The following HEPHL1 variants were observed in gnomAD, a reference collection of about 807,000 sequenced individuals.
HEPHL1 encodes ferroxidase HEPHL1.
HEPHL1 carries 123 observed loss-of-function variants against 122.0 expected under a neutral mutation model. The observed-to-expected ratio is 1.01, with a 90% CI of 0.87 to 1.17. HEPHL1 has a LOEUF of 1.17. HEPHL1 is among the 50% of genes most tolerant of loss of function. The pLI is 0.00. For missense variants in HEPHL1, 1,452 were observed against 1,430.5 expected (o/e 1.01, Z -0.24); for synonymous variants, 527 against 508.9 (o/e 1.04, Z -0.48).
chr11:94,097,726 G>T (rs972316296), intron 13 of HEPHL1, among the ~76,000 whole-genome samples: 2 of 152,144 alleles, frequency 1.3e-5, no homozygotes, highest in Non-Finnish European at 2.9e-5. Flanking sequence ...ATATATTTAG[G>T]TTAGTTAGCT....
intron 13 of HEPHL1, among the ~76,000 whole-genome samples, chr11:94,100,673 T>G (rs764156368): frequency 7.2e-5 from 11 of 152,234 alleles, no homozygotes; most frequent in Non-Finnish European, 7.3e-5. Context: ...TCTTCATTAT[T>G]ATTGTCATCC....
rs1027018300 is a variant in HEPHL1 at position 94,074,358 on chromosome 11, G to C, written c.1505-816G>C. On this transcript the variant is annotated intron_variant, in intron 8 of 19. Transcript: ENST00000315765. ...GCTGAGGCAAGAGGATCTCTTGAGG[G>C]AATTCAAGATTACAGTTATAATCAT... is the stretch of plus-strand genomic sequence containing the variant. Among the ~76,000 whole-genome samples the C allele has an allele frequency of 3.9e-5, 6 of 152,032 alleles. No individual in the cohort carries two copies. The South Asian group carries it at 1.2e-3, about 31-fold the overall frequency.
intron 12 of HEPHL1, among the ~76,000 whole-genome samples, 176 bp from the exon 13 acceptor site, chr11:94,093,325 G>T (rs749684798): frequency 6.6e-6 from 1 of 152,074 alleles, no homozygotes; most frequent in African/African-American, 2.4e-5. Flanking sequence ...GCTTTAAAGT[G>T]CAGATGCCTG....
chr11:94,050,502 A>C (rs1945880358), intron 2 of HEPHL1, among the ~76,000 whole-genome samples: 1 of 151,998 alleles, frequency 6.6e-6, no homozygotes, highest in South Asian at 2.1e-4. Context: ...AGATTGAGAA[A>C]GTTTCTTTCT....
Position 94,063,761 on chromosome 11 carries a change from T to C in HEPHL1, c.628+41T>C, listed in dbSNP as rs774217669. On this transcript the variant is annotated intron_variant, in intron 3 of 19. Coordinates refer to ENST00000315765, the MANE Select transcript of HEPHL1 (RefSeq NM_001098672.2). Reference sequence around the variant, plus strand: ...TCCAGGTAACTAGGGAGTTGAAATGTGAATAAGATTCAGGTCTTATTTTGC... The same window carrying C: ...TCCAGGTAACTAGGGAGTTGAAATGCGAATAAGATTCAGGTCTTATTTTGC... 70 of 1,540,712 alleles carry C rather than the reference T, an allele frequency of 4.5e-5. 1 individual carries two copies. Among genetic ancestry groups the C allele is most frequent in the Non-Finnish European group, 5.9e-5 (66 of 1,115,024 alleles).
At position 94,021,431 on chromosome 11, in the gene HEPHL1, G is replaced by A; in HGVS notation, c.63G>A (p.Leu21=). 10 of 1,613,500 alleles carry A rather than the reference G, an allele frequency of 6.2e-6. No individual in the cohort carries two copies. The highest frequency in any genetic ancestry group is 8.5e-6 in the Non-Finnish European group (10 of 1,179,488). ...TCACATTCCTGGGTCTGTCTGGGCTGGTTGGCACAGTTACCAGAACGTACT... is the reference window on the plus strand; with the variant it reads ...TCACATTCCTGGGTCTGTCTGGGCTAGTTGGCACAGTTACCAGAACGTACT... The part of the protein sequence containing the change: ...FLLTFLGLSG[L]VGTVTRTYYI... Residue 21 remains leucine, a synonymous_variant, in exon 1 of 20, where the codon CTG becomes CTA. Coordinates refer to ENST00000315765, the MANE Select transcript of HEPHL1 (RefSeq NM_001098672.2).
intron 17 of HEPHL1, among the ~76,000 whole-genome samples, chr11:94,109,228 A>G (rs981591896): frequency 1.3e-5 from 2 of 152,178 alleles, no homozygotes; most frequent in African/African-American, 2.4e-5. Flanking sequence ...CATCTTTGCT[A>G]AACTCACTTT....
At position 94,075,364 on chromosome 11, in the gene HEPHL1, C is replaced by T; in HGVS notation, c.1695C>T (p.Val565=). Residue 565 remains valine (V), a synonymous_variant, in exon 9 of 20, where the codon GTC becomes GTT. Transcript: ENST00000315765. The part of the protein sequence containing the change: ...VGPLLVCKKG[V]LNADGTQKGI... ...CTTTGCTAGTCTGTAAAAAGGGCGT[C>T]CTCAATGCTGATGGGACACAGGTAG... 6.2e-7 allele frequency: 1 copy of T among 1,612,658 alleles called. No individual in the cohort carries two copies. Among genetic ancestry groups the T allele is most frequent in the Non-Finnish European group, 8.5e-7 (1 of 1,179,432 alleles).
chr11:94,021,765 G>C (rs910693765), intron 1 of HEPHL1, among the ~76,000 whole-genome samples: 29 of 152,208 alleles, frequency 1.9e-4, no homozygotes, highest in African/African-American at 7.0e-4. Flanking sequence ...AGCCTTGCCT[G>C]TGAAGGGACA....
chr11:94,034,683 G>T (rs1254728611), intron 1 of HEPHL1, among the ~76,000 whole-genome samples: 2 of 152,174 alleles, frequency 1.3e-5, no homozygotes, highest in African/African-American at 4.8e-5. Flanking sequence ...AGTAAAGAAA[G>T]ATAATAAAAC....
In HEPHL1 at chr11:94,033,908, A is replaced by G. The variant is rs1945698890; in HGVS notation, c.171-11765A>G. On this transcript the variant is annotated intron_variant, in intron 1 of 19. Transcript: ENST00000315765. ...AGTACCATTATTAGCACATGAACAG[A>G]GCACTGTGTATGTAGAGAGGAGGAA... 2.0e-5 allele frequency among the ~76,000 whole-genome samples: 3 copies of G among 152,222 alleles called. No individual in the cohort carries two copies. In the South Asian group the frequency reaches 6.2e-4, roughly 31 times the overall value.
At chr11:94,076,521 G>A (rs1946126266) in intron 9 of HEPHL1, among the ~76,000 whole-genome samples, 1 of 151,982 alleles carries the variant, frequency 6.6e-6, no homozygotes, top group Admixed American at 6.6e-5. Flanking sequence ...TGGTACCTTT[G>A]AGGTTTGCTA....
intron 14 of HEPHL1, among the ~76,000 whole-genome samples, chr11:94,102,383 C>T (rs371141607): frequency 6.6e-6 from 1 of 152,162 alleles, no homozygotes; most frequent in Non-Finnish European, 1.5e-5. Context: ...AGATTTGGAA[C>T]TAGGTCTCTC....
intron 8 of HEPHL1, among the ~76,000 whole-genome samples, chr11:94,074,316 G>GC (rs768970839): frequency 3.3e-5 from 5 of 152,062 alleles, no homozygotes; most frequent in Non-Finnish European, 7.4e-5. Flanking sequence ...ATGCCTGTAA[G>GC]CCCAGCAATT....
At chr11:94,076,528 G>A (rs1946126349) in intron 9 of HEPHL1, among the ~76,000 whole-genome samples, 1 of 151,966 alleles carries the variant, frequency 6.6e-6, no homozygotes. Flanking sequence ...TTTGAGGTTT[G>A]CTAGAAGCAC....
intron 5 of HEPHL1, 149 bp downstream of exon 5, chr11:94,067,899 T>A: frequency 1.5e-6 from 1 of 665,408 alleles, no homozygotes; most frequent in Admixed American, 2.9e-5. Context: ...AATATAACGC[T>A]CATCTCTTTG....
intron 1 of HEPHL1, among the ~76,000 whole-genome samples, chr11:94,027,678 C>T (rs1466766161): frequency 6.6e-6 from 1 of 152,206 alleles, no homozygotes; most frequent in Admixed American, 6.5e-5. Flanking sequence ...CCCCATTTCA[C>T]AACCAGCAAG....
In HEPHL1 at chr11:94,021,434, T is replaced by C; in HGVS notation, c.66T>C (p.Val22=). 6.2e-7 allele frequency: 1 copy of C among 1,613,578 alleles called. No homozygotes were observed. Among genetic ancestry groups the C allele is most frequent in the Non-Finnish European group, 8.5e-7 (1 of 1,179,518 alleles). The change falls in exon 1 of 20, where the codon GTT becomes GTC. Residue 22 remains valine, a synonymous_variant. Coordinates refer to ENST00000315765, the MANE Select transcript of HEPHL1 (RefSeq NM_001098672.2). The stretch of plus-strand genomic sequence containing the variant: ...CATTCCTGGGTCTGTCTGGGCTGGT[T>C]GGCACAGTTACCAGAACGTACTACA... ...LLTFLGLSGL[V]GTVTRTYYIG... is the part of the protein sequence containing the mutation.
At chr11:94,087,642 A>G (rs1363789990) in intron 11 of HEPHL1, among the ~76,000 whole-genome samples, 1 of 152,132 alleles carries the variant, frequency 6.6e-6, no homozygotes, top group Non-Finnish European at 1.5e-5. Context: ...CAATTCCTCA[A>G]CTATTGAAGT....
Sources: allele counts gnomAD v4.1 joint callset (sites outside exome capture counted in the v4.1 genomes callset), GRCh38; gene constraint gnomAD v4.1.1; transcripts MANE v1.5; gene names NCBI Gene and HGNC (gene_info 2026-07-23, HGNC 2026-07-21).